The following ZNF462 variants were observed in gnomAD, a reference collection of about 807,000 sequenced individuals.
ZNF462 encodes the protein zinc finger PBX1-interacting protein.
Under a neutral mutation model 201.9 loss-of-function variants are expected in ZNF462, and 10 were observed. The observed-to-expected ratio is 0.05, with a 90% confidence interval of 0.03 to 0.08. ZNF462 has a LOEUF of 0.08. ZNF462 is among the 10% of genes least tolerant of loss of function. The pLI is 1.00. For synonymous variants in ZNF462, 1,227 were observed against 1,193.3 expected (o/e 1.03, Z -0.58); for missense variants, 2,523 against 3,168.3 (o/e 0.80, Z 4.89).
intron 7 of ZNF462, among the ~76,000 whole-genome samples, chr9:106,943,020 T>G (rs1166119661): frequency 1.3e-5 from 2 of 151,328 alleles, no homozygotes; most frequent in Non-Finnish European, 2.9e-5. Context: ...GCAAAATGAA[T>G]AAGGTGAATG....
intron 1 of ZNF462, among the ~76,000 whole-genome samples, chr9:106,884,827 G>T (rs989776181): frequency 6.6e-5 from 10 of 152,144 alleles, no homozygotes; most frequent in South Asian, 2.1e-4. Context: ...GTTTGAAGCT[G>T]TTGCTTCTGA....
Position 106,938,119 on chromosome 9 carries a change from T to C in ZNF462, c.6236-797T>C, listed in dbSNP as rs1241723768. Among the ~76,000 whole-genome samples the C allele has an allele frequency of 1.3e-5, 2 of 152,210 alleles. No homozygotes were observed. The highest frequency in any genetic ancestry group is 3.8e-4 in the East Asian group (2 of 5,204). ...TATATGGCGAAGGTAAATCACACTTTAACTTAATTTGGTCATGGTGATCTG... is the reference window on the plus strand; with the variant it reads ...TATATGGCGAAGGTAAATCACACTTCAACTTAATTTGGTCATGGTGATCTG... On this transcript the variant is annotated intron_variant, in intron 6 of 12. Transcript: ENST00000277225. The surrounding 1 kb of genome is among the most constrained non-coding windows in gnomAD (Gnocchi z 4.4).
chr9:106,951,716 T>C (rs1025734500), intron 7 of ZNF462, among the ~76,000 whole-genome samples: 1 of 152,058 alleles, frequency 6.6e-6, no homozygotes, highest in African/African-American at 2.4e-5. Flanking sequence ...ATCTGCAACA[T>C]TTGAGGGTAC....
Position 106,954,298 on chromosome 9 carries a change from G to A in ZNF462, c.6427+15191G>A, listed in dbSNP as rs916508429. ...CAAGGCACATCTTATATGGTGGCAG[G>A]AGAGAGAAAGAGAGTGAGGGGGGGA... On this transcript the variant is annotated intron_variant, in intron 7 of 12. Transcript: ENST00000277225. The surrounding 1 kb of genome is among the most constrained non-coding windows in gnomAD (Gnocchi z 4.0). Among the ~76,000 whole-genome samples, 11 of 152,206 alleles carry A rather than the reference G, an allele frequency of 7.2e-5. No individual in the cohort carries two copies. The highest frequency in any genetic ancestry group is 1.2e-4 in the Non-Finnish European group (8 of 68,008).
At position 106,930,751 on chromosome 9, in the gene ZNF462, C is replaced by T; in HGVS notation, c.6012+62C>T. Reference sequence around the variant, plus strand: ...AGCGATTCGAGTTACTTATTAACCCCATTGCCTAAAGCAGCTCAGGAAAGA... The same window carrying T: ...AGCGATTCGAGTTACTTATTAACCCTATTGCCTAAAGCAGCTCAGGAAAGA... On this transcript the variant is annotated intron_variant, in intron 4 of 12. Coordinates refer to ENST00000277225, the MANE Select transcript of ZNF462 (RefSeq NM_021224.6). This position sits in a 1 kb window ranked among gnomAD's most constrained non-coding sequence, Gnocchi z 5.8. The T allele has an allele frequency of 1.9e-6, 3 of 1,589,990 alleles. No homozygotes were observed. The highest frequency in any genetic ancestry group is 2.3e-5 in the South Asian group (2 of 88,774).
rs1223559057 is a variant in ZNF462, at chr9:106,954,155, T to C, written c.6427+15048T>C. On this transcript the variant is annotated intron_variant, in intron 7 of 12. Transcript: ENST00000277225. The surrounding 1 kb of genome is among the most constrained non-coding windows in gnomAD (Gnocchi z 4.0). ...GTATTAGTCCGTTTTCACATTGCTATAAAGAACTACCTGAGACTGCGTAAT... is the reference window on the plus strand; with the variant it reads ...GTATTAGTCCGTTTTCACATTGCTACAAAGAACTACCTGAGACTGCGTAAT... 6.6e-6 allele frequency among the ~76,000 whole-genome samples: 1 copy of C among 152,150 alleles called. No individual in the cohort carries two copies. Among genetic ancestry groups the C allele is most frequent in the African/African-American group, 2.4e-5 (1 of 41,440 alleles).
rs1830504300 is a variant in ZNF462, at chr9:106,933,473, T to C, written c.6116+924T>C. On this transcript the variant is annotated intron_variant, in intron 5 of 12. Coordinates refer to ENST00000277225, the MANE Select transcript of ZNF462 (RefSeq NM_021224.6). This position sits in a 1 kb window ranked among gnomAD's most constrained non-coding sequence, Gnocchi z 4.3. ...GAAATACTTCAATTCAAGAAGTATTTATTGAACAGCATCTATCACATTGTC... is the reference window on the plus strand; with the variant it reads ...GAAATACTTCAATTCAAGAAGTATTCATTGAACAGCATCTATCACATTGTC... 6.6e-6 allele frequency among the ~76,000 whole-genome samples: 1 copy of C among 152,194 alleles called. No individual in the cohort carries two copies. Among genetic ancestry groups the C allele is most frequent in the African/African-American group, 2.4e-5 (1 of 41,454 alleles).
rs1199227057 is a variant in ZNF462 at position 106,885,729 on chromosome 9, G to T, written c.-31+22374G>T. 6.6e-6 allele frequency among the ~76,000 whole-genome samples: 1 copy of T among 152,218 alleles called. No individual in the cohort carries two copies. Among genetic ancestry groups the T allele is most frequent in the Non-Finnish European group, 1.5e-5 (1 of 68,038 alleles). ...TTAGGTCACCCTTTAGGCGTATGGT[G>T]CAGAGCTCATGCTACCATCAAGACT... On this transcript the variant is annotated intron_variant, in intron 1 of 12. Transcript: ENST00000277225. The surrounding 1 kb of genome is among the most constrained non-coding windows in gnomAD (Gnocchi z 4.1).
chr9:106,990,793 T>C (rs1236743962), intron 10 of ZNF462, among the ~76,000 whole-genome samples: 1 of 152,026 alleles, frequency 6.6e-6, no homozygotes, highest in Admixed American at 6.6e-5. Flanking sequence ...CATTTTCTAA[T>C]CTTTTTTCCC....
In ZNF462 at chr9:106,950,062, C is replaced by T. The variant is rs756818722; in HGVS notation, c.6427+10955C>T. Among the ~76,000 whole-genome samples the T allele has an allele frequency of 6.6e-6, 1 of 152,170 alleles. No homozygotes were observed. The highest frequency in any genetic ancestry group is 2.4e-5 in the African/African-American group (1 of 41,460). ...AGCATCCTGGTTTCTCTCGTCCCCT[C>T]GTCCTCTGGTTTCCAACTTACCAGA... On this transcript the variant is annotated intron_variant, in intron 7 of 12. Coordinates refer to ENST00000277225, the MANE Select transcript of ZNF462 (RefSeq NM_021224.6). This position sits in a 1 kb window ranked among gnomAD's most constrained non-coding sequence, Gnocchi z 4.1.
intron 7 of ZNF462, among the ~76,000 whole-genome samples, chr9:106,948,512 G>A (rs925847282): frequency 5.3e-5 from 8 of 152,028 alleles, no homozygotes; most frequent in African/African-American, 1.9e-4. Flanking sequence ...CGTGACTAAC[G>A]AACAGCTTTA....
At chr9:106,982,475 T>C (rs934651798) in intron 9 of ZNF462, among the ~76,000 whole-genome samples, 1 of 152,198 alleles carries the variant, frequency 6.6e-6, no homozygotes. Flanking sequence ...TACTAGTTTA[T>C]GCCAAAGCAT....
chr9:106,969,448 A>T (rs991450628), intron 7 of ZNF462, among the ~76,000 whole-genome samples: 8 of 152,204 alleles, frequency 5.3e-5, no homozygotes, highest in African/African-American at 1.9e-4. Context: ...GAGACAAGAT[A>T]AAAATGTGTT....
Position 107,011,007 on chromosome 9 carries a change from A to G in ZNF462, c.7498A>G (p.Asn2500Asp). ...VVTADKSLLE[N>D]AEAKKE is the part of the protein sequence containing the mutation. ...AACTGCCGACAAATCTCTCCTGGAG[A>G]ATGCAGAGGCCAAAAAAGAATGAGC... The change falls in exon 13 of 13, where the codon AAT becomes GAT. Residue 2500 changes from asparagine (N) to aspartate (D), a missense_variant. Physicochemically the swap from Asn to Asp is conservative, Grantham distance 23. Around this residue, in one of 15 missense-constraint regions of ZNF462, gnomAD observed 67 missense variants for 63.2 expected, o/e 1.06. Coordinates refer to ENST00000277225, the MANE Select transcript of ZNF462 (RefSeq NM_021224.6). The surrounding 1 kb of genome is among the most constrained non-coding windows in gnomAD (Gnocchi z 5.6). The G allele has an allele frequency of 6.2e-7, 1 of 1,613,598 alleles. No homozygotes were observed. The highest frequency in any genetic ancestry group is 8.5e-7 in the Non-Finnish European group (1 of 1,179,858).
Position 107,003,267 on chromosome 9 carries a change from TCCATCATTTGTTTG to T in ZNF462, c.7057-26_7057-13del. On this transcript the variant is annotated splice_polypyrimidine_tract_variant and intron_variant, in intron 10 of 12. Coordinates refer to ENST00000277225, the MANE Select transcript of ZNF462 (RefSeq NM_021224.6). The surrounding 1 kb of genome is among the most constrained non-coding windows in gnomAD (Gnocchi z 4.4). Reference sequence around the variant, plus strand: ...CCCCATTTGGTCTGCGGTTTATTATTCCATCATTTGTTTGGGCCTTTTTCAGGTAAGCCGTAACT... The same window carrying T: ...CCCCATTTGGTCTGCGGTTTATTATTGGCCTTTTTCAGGTAAGCCGTAACT... 1.2e-6 allele frequency: 2 copies of T among 1,612,618 alleles called. No individual in the cohort carries two copies. Among genetic ancestry groups the T allele is most frequent in the South Asian group, 2.2e-5 (2 of 90,874 alleles).
Position 106,972,210 on chromosome 9 carries a change from G to C in ZNF462, c.6633G>C (p.Arg2211=). 1 of 1,614,192 alleles carries C rather than the reference G, an allele frequency of 6.2e-7. No homozygotes were observed. Among genetic ancestry groups the C allele is most frequent in the Non-Finnish European group, 8.5e-7 (1 of 1,180,042 alleles). The change falls in exon 8 of 13, where the codon CGG becomes CGC. Residue 2211 remains arginine (R), a synonymous_variant. Coordinates refer to ENST00000277225, the MANE Select transcript of ZNF462 (RefSeq NM_021224.6). This position sits in a 1 kb window ranked among gnomAD's most constrained non-coding sequence, Gnocchi z 4.8. The stretch of plus-strand genomic sequence containing the variant: ...TCCAGAGCATCAGGCGTCATTACCG[G>C]GACAAGCATGGTGGGAAGAAGCTTT... ...GYIQSIRRHY[R]DKHGGKKLFK...
At position 106,870,775 on chromosome 9, in the gene ZNF462, A is replaced by G. The variant is rs1241785601; in HGVS notation, c.-31+7420A>G. Among the ~76,000 whole-genome samples the G allele has an allele frequency of 2.0e-5, 3 of 152,230 alleles. No individual in the cohort carries two copies. The highest frequency in any genetic ancestry group is 7.2e-5 in the African/African-American group (3 of 41,462). ...AGGTGAGACAACTGTGTCAGAAGTA[A>G]TAAAGCCCAGGATTTGTGGAGAGAG... On this transcript the variant is annotated intron_variant, in intron 1 of 12. Coordinates refer to ENST00000277225, the MANE Select transcript of ZNF462 (RefSeq NM_021224.6). The surrounding 1 kb of genome is among the most constrained non-coding windows in gnomAD (Gnocchi z 4.3).
chr9:107,003,484 C>T lies in ZNF462; in HGVS notation c.7189+58C>T, dbSNP rs1425768813. 14 of 1,590,004 alleles carry T rather than the reference C, an allele frequency of 8.8e-6. No homozygotes were observed. Among genetic ancestry groups the T allele is most frequent in the Non-Finnish European group, 1.1e-5 (13 of 1,168,328 alleles). On this transcript the variant is annotated intron_variant, in intron 11 of 12. Coordinates refer to ENST00000277225, the MANE Select transcript of ZNF462 (RefSeq NM_021224.6). The surrounding 1 kb of genome is among the most constrained non-coding windows in gnomAD (Gnocchi z 4.4). ...GGCATCTGGCATGTCCGTAGTGAGACAGAAGGGAGGCAGGAGGTTGTTGTA... is the reference window on the plus strand; with the variant it reads ...GGCATCTGGCATGTCCGTAGTGAGATAGAAGGGAGGCAGGAGGTTGTTGTA...
At chr9:106,980,930 A>G (rs1025588168) in intron 9 of ZNF462, among the ~76,000 whole-genome samples, 1 of 152,234 alleles carries the variant, frequency 6.6e-6, no homozygotes, top group Admixed American at 6.5e-5. Flanking sequence ...AGCCCAGTCT[A>G]TACCTGGAAC....
Sources: allele counts gnomAD v4.1 joint callset (sites outside exome capture counted in the v4.1 genomes callset), GRCh38; gene constraint gnomAD v4.1.1; regional missense constraint gnomAD v4.1.1; non-coding constraint Gnocchi (gnomAD v3.1); transcripts MANE v1.5; gene names NCBI Gene and HGNC (gene_info 2026-07-23, HGNC 2026-07-21).